Variants in COL24A1 observed in about 807,000 individuals in gnomAD.
COL24A1 encodes collagen alpha-1(XXIV) chain.
In COL24A1, 224 loss-of-function variants were observed where a neutral mutation model predicts 253.9. That is an observed-to-expected ratio of 0.88 (90% CI 0.79 to 0.99). The LOEUF (loss-of-function observed/expected upper bound fraction) is 0.99, where lower values mean the gene tolerates loss of function less well. Among genes scored for constraint, COL24A1 ranks in the 50% least tolerant of loss-of-function variants. The pLI is 0.00. For synonymous variants in COL24A1, 685 were observed against 673.7 expected (o/e 1.02, Z -0.26); for missense variants, 2,131 against 2,068.5 (o/e 1.03, Z -0.59).
rs1318203430 is a variant in COL24A1 at position 85,745,517 on chromosome 1, C to A, written c.4438-11G>T. ...GATATCCATTTGCTTCTGTGTAAAA[C>A]AAAACCATTTGAGATTAGCAATAAG... On this transcript the variant is annotated splice_polypyrimidine_tract_variant and intron_variant, in intron 55 of 59. Coordinates refer to ENST00000370571, the MANE Select transcript of COL24A1 (RefSeq NM_152890.7). The A allele has an allele frequency of 1.9e-6, 3 of 1,603,750 alleles. No individual in the cohort carries two copies. Among genetic ancestry groups the A allele is most frequent in the Non-Finnish European group, 2.6e-6 (3 of 1,175,408 alleles).
intron 52 of COL24A1, among the ~76,000 whole-genome samples, chr1:85,779,610 AGTAC>A: frequency 2.0e-5 from 3 of 152,292 alleles, no homozygotes; most frequent in Non-Finnish European, 2.9e-5. Context: ...TATTGCTAAA[AGTAC>A]TTTGGTTCAG....
rs538719129 is a variant in COL24A1, at chr1:86,032,770, A to G, written c.2005-848T>C. 4.6e-5 allele frequency among the ~76,000 whole-genome samples: 7 copies of G among 152,244 alleles called. No homozygotes were observed. The South Asian group carries it at 1.4e-3, about 32-fold the overall frequency. On this transcript the variant is annotated intron_variant, in intron 13 of 59. Coordinates refer to ENST00000370571, the MANE Select transcript of COL24A1 (RefSeq NM_152890.7). ...GTATTTTAAAGATTTTAAAAACTCAAAATGCTCCTGAAGAAATATTATTAT... is the reference window on the plus strand; with the variant it reads ...GTATTTTAAAGATTTTAAAAACTCAGAATGCTCCTGAAGAAATATTATTAT...
At chr1:85,785,035 C>G (rs924535460) in intron 48 of COL24A1, among the ~76,000 whole-genome samples, 1 of 152,074 alleles carries the variant, frequency 6.6e-6, no homozygotes, top group African/African-American at 2.4e-5. Context: ...CTGGCCAGAA[C>G]TTGTATTTTG....
chr1:85,971,260 T>G (rs1392697386), intron 21 of COL24A1, 80 bp downstream of exon 21: 2 of 1,115,882 alleles, frequency 1.8e-6, no homozygotes, highest in African/African-American at 3.2e-5. Context: ...AAGCAAAAAC[T>G]GAAGGCCCAC....
chr1:85,942,938 C>G (rs558483729), intron 24 of COL24A1, among the ~76,000 whole-genome samples: 3 of 152,088 alleles, frequency 2.0e-5, no homozygotes, highest in Non-Finnish European at 4.4e-5. Flanking sequence ...ACCTAGGAAC[C>G]TGGTAAAGCA....
chr1:86,156,281 CA>C (rs1017280736), intron 1 of COL24A1, 59 bp downstream of exon 1: 27 of 1,515,034 alleles, frequency 1.8e-5, no homozygotes, highest in Non-Finnish European at 6.3e-6. Flanking sequence ...TCAGCAGAAC[CA>C]GGGGGTGGAG....
intron 10 of COL24A1, among the ~76,000 whole-genome samples, chr1:86,052,595 T>C (rs116712138): frequency 0.021 from 3,197 of 152,078 alleles, 38 homozygotes; most frequent in Middle Eastern, 0.068. Flanking sequence ...GAACGGGGAA[T>C]TGTTTATTGG....
chr1:86,099,883 TC>T (rs1704294312), intron 5 of COL24A1, among the ~76,000 whole-genome samples: 1 of 152,190 alleles, frequency 6.6e-6, no homozygotes, highest in Non-Finnish European at 1.5e-5. Flanking sequence ...TGCTTAGAAC[TC>T]TTCAATGAAT....
At chr1:85,936,175 G>A (rs550264956) in intron 24 of COL24A1, among the ~76,000 whole-genome samples, 1 of 146,950 alleles carries the variant, frequency 6.8e-6, no homozygotes, top group South Asian at 2.5e-4. Flanking sequence ...AAAAAAAATG[G>A]AACTCTGATA....
chr1:86,014,880 C>T (rs1289106675), intron 19 of COL24A1, among the ~76,000 whole-genome samples: 1 of 152,164 alleles, frequency 6.6e-6, no homozygotes, highest in Non-Finnish European at 1.5e-5. Context: ...TTCCCTTCTT[C>T]TCTTTTATCC....
At chr1:85,756,337 T>G (rs1666254178) in intron 55 of COL24A1, among the ~76,000 whole-genome samples, 1 of 151,954 alleles carries the variant, frequency 6.6e-6, no homozygotes, top group African/African-American at 2.4e-5. Context: ...GAGAATCACT[T>G]GAACCTGGGA....
At chr1:85,983,363 T>C (rs1693426720) in intron 20 of COL24A1, among the ~76,000 whole-genome samples, 1 of 151,988 alleles carries the variant, frequency 6.6e-6, no homozygotes, top group Admixed American at 6.6e-5. Context: ...ATGTATGTTT[T>C]GTATCTTAAT....
At chr1:85,792,006 T>C (rs1393434297) in intron 47 of COL24A1, among the ~76,000 whole-genome samples, 1 of 152,134 alleles carries the variant, frequency 6.6e-6, no homozygotes, top group African/African-American at 2.4e-5. Context: ...ATTACTAGTC[T>C]TGCATTACAA....
At chr1:86,057,691 C>G (rs959259633) in intron 10 of COL24A1, among the ~76,000 whole-genome samples, 1 of 152,150 alleles carries the variant, frequency 6.6e-6, no homozygotes, top group Non-Finnish European at 1.5e-5. Flanking sequence ...AGAGCACATT[C>G]TAACATGCCA....
rs116654410 is a variant in COL24A1 at position 86,054,798 on chromosome 1, C to A, written c.1851+3133G>T. 2.8e-3 allele frequency among the ~76,000 whole-genome samples: 421 copies of A among 152,178 alleles called. 2 individuals carry two copies. Among genetic ancestry groups the A allele is most frequent in the African/African-American group, 9.6e-3 (398 of 41,512 alleles). On this transcript the variant is annotated intron_variant, in intron 10 of 59. Coordinates refer to ENST00000370571, the MANE Select transcript of COL24A1 (RefSeq NM_152890.7). Reference sequence around the variant, plus strand: ...CAGCAATCTCATTACTGGGTGTATACCCAAAGAAAAATAAATAATTCTACC... The same window carrying A: ...CAGCAATCTCATTACTGGGTGTATAACCAAAGAAAAATAAATAATTCTACC...
At position 86,040,326 on chromosome 1, in the gene COL24A1, T is replaced by C. The variant is rs190234337; in HGVS notation, c.1951-6403A>G. On this transcript the variant is annotated intron_variant, in intron 12 of 59. Coordinates refer to ENST00000370571, the MANE Select transcript of COL24A1 (RefSeq NM_152890.7). ...TTTCTTTTCTTAATTTTATTTATTATTATTACACTTTAAGTTTTAGGGTAC... is the reference window on the plus strand; with the variant it reads ...TTTCTTTTCTTAATTTTATTTATTACTATTACACTTTAAGTTTTAGGGTAC... 1.2e-3 allele frequency among the ~76,000 whole-genome samples: 188 copies of C among 152,072 alleles called. 2 individuals are homozygous for C. Among genetic ancestry groups the C allele is most frequent in the African/African-American group, 4.2e-3 (176 of 41,484 alleles).
At chr1:86,127,182 C>A (rs1246190801) in intron 2 of COL24A1, among the ~76,000 whole-genome samples, 1 of 152,114 alleles carries the variant, frequency 6.6e-6, no homozygotes, top group Non-Finnish European at 1.5e-5. Flanking sequence ...CCCTTCCAAG[C>A]TTCTCTTTCT....
At chr1:85,766,091 T>A (rs565782638) in intron 53 of COL24A1, among the ~76,000 whole-genome samples, 20 of 151,880 alleles carry the variant, frequency 1.3e-4, no homozygotes, top group Non-Finnish European at 1.9e-4. Context: ...TAGGACTGGG[T>A]GCGGTGGCTT....
intron 12 of COL24A1, among the ~76,000 whole-genome samples, chr1:86,042,603 T>C (rs554075670): frequency 1.3e-5 from 2 of 152,236 alleles, no homozygotes; most frequent in African/African-American, 4.8e-5. Flanking sequence ...TCCATTTCAA[T>C]TGCATTCATA....
Sources: allele counts gnomAD v4.1 joint callset (sites outside exome capture counted in the v4.1 genomes callset), GRCh38; gene constraint gnomAD v4.1.1; transcripts MANE v1.5; gene names NCBI Gene and HGNC (gene_info 2026-07-23, HGNC 2026-07-21).